The following SYTL3 variants were observed in gnomAD, a reference collection of about 807,000 sequenced individuals.
The protein encoded by SYTL3 is synaptotagmin like 3, also known as synaptotagmin-like protein 3.
Under a neutral mutation model 82.1 loss-of-function variants are expected in SYTL3, and 88 were observed. That is an observed-to-expected ratio of 1.07 (90% CI 0.90 to 1.28). SYTL3 has a LOEUF of 1.28. Among genes scored for constraint, SYTL3 ranks in the 50% most tolerant of loss-of-function variants. SYTL3 has a pLI of 0.00. For missense variants in SYTL3, 831 were observed against 757.6 expected (o/e 1.10, Z -1.14); for synonymous variants, 311 against 289.4 (o/e 1.07, Z -0.76).
intron 10 of SYTL3, among the ~76,000 whole-genome samples, chr6:158,722,888 C>G (rs1214636599): frequency 6.7e-6 from 1 of 149,654 alleles, no homozygotes; most frequent in Non-Finnish European, 1.5e-5. Flanking sequence ...GTCTCAGCCT[C>G]CTGAGTAGCT....
chr6:158,727,185 T>C (rs1784837865), intron 11 of SYTL3, among the ~76,000 whole-genome samples: 1 of 151,682 alleles, frequency 6.6e-6, no homozygotes. Context: ...TATTTATTTA[T>C]TTTTTGAGAT....
intron 6 of SYTL3, among the ~76,000 whole-genome samples, chr6:158,699,501 A>G (rs1271667680): frequency 1.3e-5 from 2 of 152,198 alleles, no homozygotes; most frequent in African/African-American, 4.8e-5. Context: ...CAGACATGCC[A>G]GCTTCAGGGG....
At chr6:158,743,447 A>G (rs1787187757) in intron 11 of SYTL3, among the ~76,000 whole-genome samples, 2 of 152,006 alleles carry the variant, frequency 1.3e-5, no homozygotes, top group African/African-American at 2.4e-5. Context: ...GCTGAGTCCC[A>G]TGACAAATGC....
chr6:158,680,110 A>G (rs1318773366), intron 5 of SYTL3, among the ~76,000 whole-genome samples: 1 of 152,154 alleles, frequency 6.6e-6, no homozygotes, highest in East Asian at 1.9e-4. Context: ...CCCCTCCTCT[A>G]AGGATTAGAC....
chr6:158,750,443 A>G (rs765451927), intron 12 of SYTL3, among the ~76,000 whole-genome samples: 1 of 152,214 alleles, frequency 6.6e-6, no homozygotes, highest in African/African-American at 2.4e-5. Context: ...TTGAGATTGC[A>G]TGAATGTGTA....
At chr6:158,697,392 C>T (rs528922443) in intron 6 of SYTL3, among the ~76,000 whole-genome samples, 26 of 151,850 alleles carry the variant, frequency 1.7e-4, no homozygotes, top group Admixed American at 7.2e-4. Flanking sequence ...GCCAAGATCG[C>T]GCCACTGCAC....
At chr6:158,692,410 C>G (rs971294047) in intron 6 of SYTL3, among the ~76,000 whole-genome samples, 2 of 151,024 alleles carry the variant, frequency 1.3e-5, no homozygotes, top group South Asian at 2.1e-4. Context: ...ATAATGCTCT[C>G]AATGATTCAT....
chr6:158,754,873 G>C (rs1476634324), intron 13 of SYTL3, among the ~76,000 whole-genome samples: 1 of 152,226 alleles, frequency 6.6e-6, no homozygotes, highest in Non-Finnish European at 1.5e-5. Context: ...CTGGGGGCCC[G>C]AGCCCGACCC....
chr6:158,748,194 C>G (rs1225122658), intron 12 of SYTL3, among the ~76,000 whole-genome samples: 1 of 151,510 alleles, frequency 6.6e-6, no homozygotes, highest in Non-Finnish European at 1.5e-5. Context: ...TGGGGAACTT[C>G]TGGCATACTG....
At chr6:158,748,463 A>T (rs1178096528) in intron 12 of SYTL3, among the ~76,000 whole-genome samples, 1 of 152,194 alleles carries the variant, frequency 6.6e-6, no homozygotes, top group African/African-American at 2.4e-5. Flanking sequence ...TGACTTTTAA[A>T]TTTCAAAATT....
chr6:158,763,591 G>A (rs1790306420), intron 17 of SYTL3, 82 bp downstream of exon 17: 1 of 1,259,122 alleles, frequency 7.9e-7, no homozygotes, highest in African/African-American at 1.5e-5. Flanking sequence ...GCTTCCACCA[G>A]GGCAGTGACT....
intron 12 of SYTL3, among the ~76,000 whole-genome samples, chr6:158,749,870 TAA>T (rs1425933131): frequency 1.3e-5 from 2 of 152,152 alleles, no homozygotes; most frequent in South Asian, 2.1e-4. Flanking sequence ...CTATATCTGT[TAA>T]AGAGATTGAA....
intron 10 of SYTL3, among the ~76,000 whole-genome samples, chr6:158,720,278 GTAATCCCAAC>G (rs1783934886): frequency 6.6e-6 from 1 of 151,506 alleles, no homozygotes; most frequent in Non-Finnish European, 1.5e-5. Flanking sequence ...GCGGGTGCCT[GTAATCCCAAC>G]TACTCAGGAG....
At chr6:158,758,474 C>T (rs1159785702) in intron 14 of SYTL3, among the ~76,000 whole-genome samples, 5 of 152,126 alleles carry the variant, frequency 3.3e-5, no homozygotes, top group Non-Finnish European at 7.4e-5. Flanking sequence ...GGACTACTCC[C>T]CTCAGCCAAG....
intron 11 of SYTL3, among the ~76,000 whole-genome samples, chr6:158,744,996 G>A (rs2128512548): frequency 6.6e-6 from 1 of 152,248 alleles, no homozygotes; most frequent in African/African-American, 2.4e-5. Flanking sequence ...CCATAGCCCT[G>A]TGAGATCAGT....
chr6:158,679,191 G>A (rs895635810), intron 5 of SYTL3, among the ~76,000 whole-genome samples: 1 of 152,084 alleles, frequency 6.6e-6, no homozygotes, highest in Non-Finnish European at 1.5e-5. Flanking sequence ...CCAACATAGT[G>A]AAACCCTGTC....
intron 14 of SYTL3, among the ~76,000 whole-genome samples, chr6:158,759,143 C>T (rs1430099895): frequency 6.6e-6 from 1 of 152,234 alleles, no homozygotes; most frequent in Non-Finnish European, 1.5e-5. Flanking sequence ...TGGCATAGGA[C>T]AGGCGGCCAC....
intron 12 of SYTL3, among the ~76,000 whole-genome samples, chr6:158,749,113 T>G (rs964240109): frequency 1.3e-5 from 2 of 151,890 alleles, no homozygotes; most frequent in African/African-American, 4.8e-5. Flanking sequence ...TAATCCCAGC[T>G]ACACAGGAGG....
chr6:158,692,895 A>G (rs1168545986), intron 6 of SYTL3, among the ~76,000 whole-genome samples: 2 of 151,868 alleles, frequency 1.3e-5, no homozygotes, highest in East Asian at 3.9e-4. Flanking sequence ...AGGTTGCAGT[A>G]AGCCGAGATC....
Sources: allele counts gnomAD v4.1 joint callset (sites outside exome capture counted in the v4.1 genomes callset), GRCh38; gene constraint gnomAD v4.1.1; transcripts MANE v1.5; gene names NCBI Gene and HGNC (gene_info 2026-07-23, HGNC 2026-07-21).